CSMD1: variants seen among roughly 807,000 people sequenced by gnomAD.
CSMD1 encodes CUB and sushi domain-containing protein 1.
A neutral mutation model predicts 417.5 loss-of-function variants in CSMD1; 213 were observed. That is an observed-to-expected ratio of 0.51 (90% confidence interval 0.46 to 0.57). CSMD1 has a LOEUF of 0.57. Ranked by LOEUF, CSMD1 falls within the 20% of genes least tolerant of loss-of-function variation. The pLI, the probability that CSMD1 is intolerant of heterozygous loss-of-function variation, is 0.00. For missense variants in CSMD1, 6,923 were observed against 4,529.7 expected, an observed-to-expected ratio of 1.53 and a Z score of -15.17; for synonymous variants, 2,862 against 1,736.8, an observed-to-expected ratio of 1.65 and a Z score of -16.11.
At chr8:4,813,074 G>C (rs532596382) in intron 1 of CSMD1, among the ~76,000 whole-genome samples, 1 of 152,300 alleles carries the variant, frequency 6.6e-6, no homozygotes, top group African/African-American at 2.4e-5. Context: ...GGCAGAGGTA[G>C]ATATTTATGC....
At chr8:4,750,473 G>A (rs770310114) in intron 1 of CSMD1, among the ~76,000 whole-genome samples, 1 of 152,112 alleles carries the variant, frequency 6.6e-6, no homozygotes, top group African/African-American at 2.4e-5. Context: ...AAACTCTTAT[G>A]GGCAATGCCT....
chr8:3,638,535 A>G (rs1797152502), intron 7 of CSMD1, among the ~76,000 whole-genome samples: 1 of 152,150 alleles, frequency 6.6e-6, no homozygotes, highest in African/African-American at 2.4e-5. Context: ...ATTCAGGAGT[A>G]GCAGAGATTA....
intron 21 of CSMD1, among the ~76,000 whole-genome samples, chr8:3,355,203 A>C (rs1418756588): frequency 2.6e-5 from 4 of 152,138 alleles, no homozygotes; most frequent in Non-Finnish European, 5.9e-5. Context: ...ATTTTTTAAA[A>C]AAATCTCTTA....
chr8:3,841,003 G>A (rs149513830), intron 5 of CSMD1, among the ~76,000 whole-genome samples: 196 of 152,148 alleles, frequency 1.3e-3, no homozygotes, highest in African/African-American at 4.5e-3. Flanking sequence ...CACTGCAGCT[G>A]TCCGGTGATC....
intron 3 of CSMD1, among the ~76,000 whole-genome samples, chr8:4,053,209 A>G (rs888429716): frequency 2.0e-5 from 3 of 152,348 alleles, no homozygotes; most frequent in East Asian, 1.9e-4. Context: ...ACGTTATTAA[A>G]AAGTCACTAA....
chr8:3,845,067 T>C (rs1803408323), intron 5 of CSMD1, among the ~76,000 whole-genome samples: 1 of 152,230 alleles, frequency 6.6e-6, no homozygotes, highest in African/African-American at 2.4e-5. Context: ...TAGACTTTCA[T>C]ATTATAGTTT....
rs75297689 is a variant in CSMD1, at chr8:3,585,310, C to T, written c.1222+826G>A. On this transcript the variant is annotated intron_variant, in intron 9 of 69. Coordinates refer to ENST00000635120, the MANE Select transcript of CSMD1 (RefSeq NM_033225.6). ...AGTTTAAAATGTATAAGTCCATTCA[C>T]GTGAAAAGACTATATGGAAAGATAA... Among the ~76,000 whole-genome samples the T allele has an allele frequency of 5.3e-5, 8 of 152,226 alleles. No homozygotes were observed. The South Asian group carries it at 1.5e-3, about 28-fold the overall frequency.
chr8:4,142,256 G>A lies in CSMD1; in HGVS notation c.416-110157C>T, dbSNP rs1036013978. Among the ~76,000 whole-genome samples the A allele has an allele frequency of 1.3e-5, 2 of 150,996 alleles. 1 individual carries two copies. The highest frequency in any genetic ancestry group is 5.0e-5 in the African/African-American group (2 of 40,378). On this transcript the variant is annotated intron_variant, in intron 3 of 69. Transcript: ENST00000635120. ...ATACTTAATTTACTAATACAACAGG[G>A]TTTTCCTTCTACTCTTGGTATAAGG...
intron 1 of CSMD1, among the ~76,000 whole-genome samples, chr8:4,891,512 G>T (rs1804120625): frequency 6.6e-6 from 1 of 152,058 alleles, no homozygotes; most frequent in African/African-American, 2.4e-5. Flanking sequence ...AGACAATAGT[G>T]TTTTATACTA....
chr8:4,114,628 A>C (rs1245841791), intron 3 of CSMD1, among the ~76,000 whole-genome samples: 4 of 152,212 alleles, frequency 2.6e-5, no homozygotes, highest in African/African-American at 9.7e-5. Context: ...TAAATTGAAA[A>C]ACCTTCTGGA....
At chr8:4,629,543 T>C (rs1461718865) in intron 2 of CSMD1, among the ~76,000 whole-genome samples, 2 of 152,358 alleles carry the variant, frequency 1.3e-5, no homozygotes, top group Admixed American at 1.3e-4. Context: ...TTCATACTTA[T>C]TAGAAATATT....
intron 67 of CSMD1, among the ~76,000 whole-genome samples, chr8:2,949,708 C>T (rs953227964): frequency 1.3e-5 from 2 of 152,100 alleles, no homozygotes; most frequent in Non-Finnish European, 2.9e-5. Flanking sequence ...AAATAATCTA[C>T]ATTATGTAAA....
At chr8:4,277,944 T>G (rs1191046963) in intron 3 of CSMD1, among the ~76,000 whole-genome samples, 1 of 152,078 alleles carries the variant, frequency 6.6e-6, no homozygotes, top group Non-Finnish European at 1.5e-5. Context: ...GAGACAGGAT[T>G]TCACCATGCT....
chr8:4,649,006 T>C (rs777054989), intron 1 of CSMD1, among the ~76,000 whole-genome samples: 1 of 152,236 alleles, frequency 6.6e-6, no homozygotes, highest in Non-Finnish European at 1.5e-5. Context: ...AACATATCTA[T>C]ACTGCGGTTA....
intron 1 of CSMD1, among the ~76,000 whole-genome samples, chr8:4,891,678 T>G (rs866310358): frequency 6.6e-6 from 1 of 152,118 alleles, no homozygotes; most frequent in Non-Finnish European, 1.5e-5. Context: ...GTATTTATCC[T>G]AAGGGCTTAT....
intron 7 of CSMD1, among the ~76,000 whole-genome samples, chr8:3,677,067 A>C (rs73183344): frequency 0.14 from 21,649 of 152,030 alleles, 1,711 homozygotes; most frequent in South Asian, 0.21. Context: ...GGGCTTAAAA[A>C]CTAGACATTG....
chr8:4,077,323 GGTAGACA>G (rs1799885013), intron 3 of CSMD1, among the ~76,000 whole-genome samples: 1 of 96,430 alleles, frequency 1.0e-5, no homozygotes, highest in African/African-American at 4.0e-5. Context: ...ATATATATAT[GGTAGACA>G]TATAGATTAT....
intron 3 of CSMD1, among the ~76,000 whole-genome samples, chr8:4,104,582 T>C (rs1801473296): frequency 1.3e-5 from 2 of 151,110 alleles, no homozygotes; most frequent in African/African-American, 4.8e-5. Context: ...AATAAATGAA[T>C]TAATAATTGC....
At chr8:3,954,721 G>A (rs1811822198) in intron 5 of CSMD1, among the ~76,000 whole-genome samples, 1 of 152,222 alleles carries the variant, frequency 6.6e-6, no homozygotes, top group African/African-American at 2.4e-5. Context: ...AGGGCAGGCT[G>A]CCCGCATGCG....
Sources: allele counts gnomAD v4.1 joint callset (sites outside exome capture counted in the v4.1 genomes callset), GRCh38; gene constraint gnomAD v4.1.1; transcripts MANE v1.5; gene names NCBI Gene and HGNC (gene_info 2026-07-23, HGNC 2026-07-21).